PTPRT: variants seen among roughly 807,000 people sequenced by gnomAD.
PTPRT encodes the protein protein tyrosine phosphatase receptor type T.
PTPRT carries 56 observed loss-of-function variants against 176.8 expected under a neutral mutation model. The observed-to-expected ratio is 0.32, with a 90% CI of 0.26 to 0.40. The LOEUF is 0.40. Among genes scored for constraint, PTPRT ranks in the 10% least tolerant of loss-of-function variants. The pLI is 1.00. For synonymous variants in PTPRT, 783 were observed against 739.0 expected, an observed-to-expected ratio of 1.06 and a Z score of -0.96; for missense variants, 1,540 against 1,908.2, an observed-to-expected ratio of 0.81 and a Z score of 3.60.
At chr20:42,702,622 G>A (rs142163096) in intron 6 of PTPRT, among the ~76,000 whole-genome samples, 2 of 152,268 alleles carry the variant, frequency 1.3e-5, no homozygotes, top group African/African-American at 4.8e-5. Context: ...TGGGAGGGCT[G>A]CCCTGTGTCC....
chr20:42,580,330 G>T (rs1193345134), intron 7 of PTPRT, among the ~76,000 whole-genome samples: 2 of 152,056 alleles, frequency 1.3e-5, no homozygotes, highest in Non-Finnish European at 2.9e-5. Flanking sequence ...TTTGAAGTCA[G>T]GTAGCGTGAT....
chr20:42,813,565 G>A (rs569236634), intron 2 of PTPRT, among the ~76,000 whole-genome samples: 2 of 151,944 alleles, frequency 1.3e-5, no homozygotes, highest in Admixed American at 1.3e-4. Flanking sequence ...ACTCCACTCG[G>A]GTGGCTCCAT....
intron 2 of PTPRT, among the ~76,000 whole-genome samples, chr20:42,792,360 G>A (rs2077389556): frequency 6.6e-6 from 1 of 152,186 alleles, no homozygotes; most frequent in African/African-American, 2.4e-5. Context: ...AAGCTGCCTG[G>A]GAGGGCAGAC....
At chr20:42,252,038 A>G (rs2056558664) in intron 13 of PTPRT, among the ~76,000 whole-genome samples, 1 of 152,198 alleles carries the variant, frequency 6.6e-6, no homozygotes, top group South Asian at 2.1e-4. Flanking sequence ...TCAGGTGATG[A>G]CAGTGAAGAT....
At chr20:42,270,819 G>T (rs561091283) in intron 13 of PTPRT, among the ~76,000 whole-genome samples, 1 of 152,150 alleles carries the variant, frequency 6.6e-6, no homozygotes, top group South Asian at 2.1e-4. Context: ...CTGCATAAAT[G>T]GTGCCACCAT....
chr20:42,483,822 C>G (rs1444122820), intron 7 of PTPRT, among the ~76,000 whole-genome samples: 1 of 152,238 alleles, frequency 6.6e-6, no homozygotes, highest in African/African-American at 2.4e-5. Flanking sequence ...CTTTACGGTG[C>G]TAAGGCTAGG....
chr20:43,095,256 T>A (rs1425338412), intron 1 of PTPRT, among the ~76,000 whole-genome samples: 1 of 152,114 alleles, frequency 6.6e-6, no homozygotes, highest in Non-Finnish European at 1.5e-5. Context: ...TCACACCCAG[T>A]GATACCTCGT....
intron 1 of PTPRT, among the ~76,000 whole-genome samples, chr20:42,941,846 G>T (rs1198321296): frequency 6.6e-6 from 1 of 152,190 alleles, no homozygotes; most frequent in Non-Finnish European, 1.5e-5. Flanking sequence ...ATTTCATGTA[G>T]CTTTAATGGA....
intron 6 of PTPRT, among the ~76,000 whole-genome samples, chr20:42,682,187 C>A (rs1485092071): frequency 2.0e-5 from 3 of 152,052 alleles, no homozygotes; most frequent in African/African-American, 7.2e-5. Context: ...AGGTTATAAC[C>A]ATTTCTGTAT....
chr20:43,017,094 C>T (rs952236819), intron 1 of PTPRT, among the ~76,000 whole-genome samples: 1 of 152,040 alleles, frequency 6.6e-6, no homozygotes, highest in Non-Finnish European at 1.5e-5. Flanking sequence ...CCCTGTTGAA[C>T]AAAGAATCAA....
chr20:42,397,072 T>C (rs1288651541), intron 9 of PTPRT, among the ~76,000 whole-genome samples: 1 of 152,226 alleles, frequency 6.6e-6, no homozygotes, highest in African/African-American at 2.4e-5. Context: ...TATATATTCA[T>C]TTACTATCTG....
rs146115940 is a variant in PTPRT, at chr20:42,567,565, T to C, written c.1154-95003A>G. On this transcript the variant is annotated intron_variant, in intron 7 of 30. Transcript: ENST00000373187. ...AGAACTGCCTATTTCCCAAGCCACA[T>C]TGAAGTCTTCCTTGAGTCAGAAGCC... Among the ~76,000 whole-genome samples the C allele has an allele frequency of 4.5e-3, 688 of 152,336 alleles. 3 individuals carry two copies. The highest frequency in any genetic ancestry group is 0.016 in the African/African-American group (650 of 41,580).
intron 15 of PTPRT, among the ~76,000 whole-genome samples, chr20:42,205,954 G>A (rs1352488661): frequency 6.6e-6 from 1 of 152,084 alleles, no homozygotes; most frequent in African/African-American, 2.4e-5. Flanking sequence ...GGGAACTATA[G>A]CATCTTCTCA....
chr20:42,555,012 C>A (rs987891124), intron 7 of PTPRT, among the ~76,000 whole-genome samples: 9 of 152,104 alleles, frequency 5.9e-5, no homozygotes, highest in African/African-American at 2.2e-4. Flanking sequence ...GCTGCCTGTC[C>A]CAATTGCTTA....
At chr20:42,780,836 G>T (rs6130214) in intron 3 of PTPRT, among the ~76,000 whole-genome samples, 1 of 152,140 alleles carries the variant, frequency 6.6e-6, no homozygotes, top group African/African-American at 2.4e-5. Flanking sequence ...AGGAGTAGAA[G>T]GCAACTGACT....
intron 7 of PTPRT, among the ~76,000 whole-genome samples, chr20:42,571,027 T>C (rs1227314180): frequency 1.3e-5 from 2 of 151,900 alleles, no homozygotes; most frequent in East Asian, 3.9e-4. Flanking sequence ...CAGAAGAAAA[T>C]GGTTAAATAA....
chr20:42,847,408 C>G (rs1019355158), intron 2 of PTPRT, among the ~76,000 whole-genome samples: 7 of 152,170 alleles, frequency 4.6e-5, no homozygotes, highest in African/African-American at 1.7e-4. Context: ...TACAGAAGAC[C>G]AAGGGCATTG....
intron 1 of PTPRT, among the ~76,000 whole-genome samples, chr20:43,116,078 C>A (rs1481609906): frequency 6.6e-6 from 1 of 152,206 alleles, no homozygotes; most frequent in Non-Finnish European, 1.5e-5. Context: ...GAACTCACAA[C>A]CTTGGCCTCA....
chr20:42,949,725 T>C (rs1359532905), intron 1 of PTPRT, among the ~76,000 whole-genome samples: 3 of 152,242 alleles, frequency 2.0e-5, no homozygotes, highest in Non-Finnish European at 2.9e-5. Flanking sequence ...AAGTACCTTG[T>C]TATGCAGCAA....
Sources: allele counts gnomAD v4.1 joint callset (sites outside exome capture counted in the v4.1 genomes callset), GRCh38; gene constraint gnomAD v4.1.1; transcripts MANE v1.5; gene names NCBI Gene and HGNC (gene_info 2026-07-23, HGNC 2026-07-21).